The following NUP188 variants were observed in gnomAD, a reference collection of about 807,000 sequenced individuals.
NUP188 encodes the protein nucleoporin 188, also known as nucleoporin NUP188.
Under a neutral mutation model 223.0 loss-of-function variants are expected in NUP188, and 97 were observed. The ratio of observed to expected loss-of-function variants is 0.43; its 90% CI spans 0.37 to 0.51. NUP188 has a LOEUF of 0.51. Among genes scored for constraint, NUP188 ranks in the 20% least tolerant of loss-of-function variants. NUP188 has a pLI of 0.00. For synonymous variants in NUP188, 869 were observed against 828.0 expected (o/e 1.05, Z -0.85); for missense variants, 1,947 against 2,175.6 (o/e 0.89, Z 2.09).
At position 128,998,578 on chromosome 9, in the gene NUP188, C is replaced by T. The variant is rs926134831; in HGVS notation, c.3470C>T (p.Ser1157Phe). The T allele has an allele frequency of 2.5e-6, 4 of 1,614,006 alleles. No homozygotes were observed. Among genetic ancestry groups the T allele is most frequent in the Non-Finnish European group, 3.4e-6 (4 of 1,180,014 alleles). The change falls in exon 32 of 44, where the codon TCC (serine) becomes TTC (phenylalanine). Residue 1157 changes from serine to phenylalanine, a missense_variant. Physicochemically the swap from Ser to Phe is radical, Grantham distance 155 (BLOSUM62 -2). Transcript: ENST00000372577. Reference sequence around the variant, plus strand: ...TCAGTGAACTGCCTTCGCCTTGGCTCCATGAAGTGCACTCTGCTGCTTATC... The same window carrying T: ...TCAGTGAACTGCCTTCGCCTTGGCTTCATGAAGTGCACTCTGCTGCTTATC... ...PASVNCLRLG[S>F]MKCTLLLILL...
intron 6 of NUP188, 85 bp from the exon 7 acceptor site, chr9:128,958,717 C>T: frequency 1.5e-6 from 1 of 653,802 alleles, no homozygotes; most frequent in Non-Finnish European, 2.5e-6. Context: ...CCATCCACAT[C>T]TTTAAGTGAA....
chr9:128,994,878 C>T lies in NUP188; in HGVS notation c.3110C>T (p.Ala1037Val), dbSNP rs1386822407. Residue 1037 changes from alanine to valine, a missense_variant, in exon 29 of 44, where the codon GCC (alanine) becomes GTC (valine). By Grantham distance (64) the Ala-to-Val change is moderately conservative (BLOSUM62 0). This residue lies in a region of NUP188 where 905 missense variants were observed against 990.6 expected (regional missense o/e 0.91). Coordinates refer to ENST00000372577, the MANE Select transcript of NUP188 (RefSeq NM_015354.3). ...CAGCCCAGCATCCTGGAAACCTGTG[C>T]CCTAATCATGAAGATAATTTGCTTG... ...TSEPSILETC[A>V]LIMKIICLEI... 5 of 1,613,638 alleles carry T rather than the reference C, an allele frequency of 3.1e-6. No individual in the cohort carries two copies. Among genetic ancestry groups the T allele is most frequent in the African/African-American group, 1.3e-5 (1 of 74,934 alleles).
intron 25 of NUP188, among the ~76,000 whole-genome samples, chr9:128,990,738 G>A (rs1207127847): frequency 2.0e-5 from 3 of 152,234 alleles, no homozygotes; most frequent in Non-Finnish European, 4.4e-5. Flanking sequence ...TATGGCAGGC[G>A]CCTGTAGTCC....
At chr9:128,959,342 A>G (rs1347254063) in intron 8 of NUP188, among the ~76,000 whole-genome samples, 4 of 151,772 alleles carry the variant, frequency 2.6e-5, no homozygotes, top group African/African-American at 4.8e-5. Flanking sequence ...GGGTTTCACC[A>G]TGTTGGCCAG....
At chr9:128,959,888 T>A (rs1013466239) in intron 8 of NUP188, among the ~76,000 whole-genome samples, 1 of 152,108 alleles carries the variant, frequency 6.6e-6, no homozygotes, top group Non-Finnish European at 1.5e-5. Context: ...AATCAAAATA[T>A]TGATGACATT....
At chr9:128,961,910 C>G (rs561402532) in intron 8 of NUP188, among the ~76,000 whole-genome samples, 18 of 146,802 alleles carry the variant, frequency 1.2e-4, no homozygotes, top group Non-Finnish European at 2.1e-4. Context: ...GTGAGCCAGC[C>G]ACCATGCCCG....
Position 128,969,450 on chromosome 9 carries a change from A to G in NUP188, c.848A>G (p.His283Arg). Residue 283 changes from histidine to arginine, a missense_variant, in exon 10 of 44, where the codon CAT becomes CGT. By Grantham distance (29) the His-to-Arg change is conservative. Coordinates refer to ENST00000372577, the MANE Select transcript of NUP188 (RefSeq NM_015354.3). ...GAGGGCATGGATATCGAGTCCTTGCATAAGTGTGCTTTGGATGACAGAAGA... is the reference window on the plus strand; with the variant it reads ...GAGGGCATGGATATCGAGTCCTTGCGTAAGTGTGCTTTGGATGACAGAAGA... ...LVEGMDIESLHKCALDDRREL... is the reference protein window; with the variant it reads ...LVEGMDIESLRKCALDDRREL... The G allele has an allele frequency of 3.1e-6, 5 of 1,607,726 alleles. No homozygotes were observed. Among genetic ancestry groups the G allele is most frequent in the Non-Finnish European group, 4.2e-6 (5 of 1,178,180 alleles).
At chr9:128,990,482 C>CT (rs1190069524) in intron 25 of NUP188, among the ~76,000 whole-genome samples, 1 of 152,128 alleles carries the variant, frequency 6.6e-6, no homozygotes, top group Non-Finnish European at 1.5e-5. Flanking sequence ...AATTCCAGCA[C>CT]TTTGGGAGGC....
At chr9:128,967,507 T>C (rs1470698865) in intron 8 of NUP188, among the ~76,000 whole-genome samples, 1 of 151,872 alleles carries the variant, frequency 6.6e-6, no homozygotes, top group Non-Finnish European at 1.5e-5. Context: ...ATTTAAAAAA[T>C]TGGCTGGGCG....
At chr9:129,003,123 G>A in intron 37 of NUP188, 148 bp downstream of exon 37, 2 of 1,102,360 alleles carry the variant, frequency 1.8e-6, no homozygotes, top group South Asian at 1.6e-5. Context: ...GTACTCTGCT[G>A]GCTCACTGGC....
intron 38 of NUP188, 149 bp downstream of exon 38, chr9:129,003,603 CT>C: frequency 1.1e-6 from 1 of 905,678 alleles, no homozygotes; most frequent in Non-Finnish European, 1.8e-6. Context: ...CTGTCATGTG[CT>C]TACTCTGGCT....
At position 128,998,587 on chromosome 9, in the gene NUP188, G is replaced by A. The variant is rs1339522775; in HGVS notation, c.3479G>A (p.Cys1160Tyr). The change falls in exon 32 of 44, where the codon TGC becomes TAC. Residue 1160 changes from cysteine (C) to tyrosine (Y), a missense_variant. By Grantham distance (194) the Cys-to-Tyr change is radical. This residue lies in a region of NUP188 where 905 missense variants were observed against 990.6 expected (regional missense o/e 0.91). Coordinates refer to ENST00000372577, the MANE Select transcript of NUP188 (RefSeq NM_015354.3). The part of the protein sequence containing the change: ...VNCLRLGSMK[C>Y]TLLLILLRQW... ...TGCCTTCGCCTTGGCTCCATGAAGT[G>A]CACTCTGCTGCTTATCCTCCTCCGG... 2.5e-6 allele frequency: 4 copies of A among 1,614,166 alleles called. No homozygotes were observed. The highest frequency in any genetic ancestry group is 1.1e-5 in the South Asian group (1 of 91,088).
chr9:128,997,546 G>A (rs1842550374), intron 30 of NUP188, among the ~76,000 whole-genome samples: 2 of 152,176 alleles, frequency 1.3e-5, no homozygotes, highest in Non-Finnish European at 2.9e-5. Flanking sequence ...TTGGAGTGCA[G>A]TGGTGCAATC....
intron 12 of NUP188, among the ~76,000 whole-genome samples, chr9:128,974,828 G>A (rs373799712): frequency 6.3e-4 from 93 of 147,908 alleles, no homozygotes; most frequent in African/African-American, 2.2e-3. Context: ...GCGCGATCTC[G>A]TCCCACTTCA....
At chr9:128,999,437 A>T (rs2302812) in intron 33 of NUP188, 120 bp downstream of exon 33, 513,627 of 1,381,176 alleles carry the variant, frequency 0.37, 99,779 homozygotes, top group Admixed American at 0.41. Context: ...GTTTCCAGTC[A>T]TGGAATTCTT....
In NUP188 at chr9:128,995,410, G is replaced by T. The variant is rs761756053; in HGVS notation, c.3247G>T (p.Ala1083Ser). 8.7e-6 allele frequency: 14 copies of T among 1,613,992 alleles called. No individual in the cohort carries two copies. The East Asian group carries it at 3.1e-4, about 36-fold the overall frequency. ...AYWSGYVKSL[A>S]VHVAETEGSS... Reference sequence around the variant, plus strand: ...CTGGTCAGGGTATGTCAAGTCATTGGCAGTTCACGTGGCCGAAACAGAAGG... The same window carrying T: ...CTGGTCAGGGTATGTCAAGTCATTGTCAGTTCACGTGGCCGAAACAGAAGG... The change falls in exon 30 of 44, where the codon GCA becomes TCA. Residue 1083 changes from alanine to serine, a missense_variant. Coordinates refer to ENST00000372577, the MANE Select transcript of NUP188 (RefSeq NM_015354.3).
At chr9:128,973,456 C>T (rs1842130096) in intron 12 of NUP188, among the ~76,000 whole-genome samples, 1 of 152,070 alleles carries the variant, frequency 6.6e-6, no homozygotes, top group Admixed American at 6.6e-5. Context: ...GATCTTGGCT[C>T]ACTGCAGCGT....
At position 128,970,893 on chromosome 9, in the gene NUP188, A is replaced by C; in HGVS notation, c.1048A>C (p.Ile350Leu). The C allele has an allele frequency of 1.9e-6, 3 of 1,614,130 alleles. No individual in the cohort carries two copies. The highest frequency in any genetic ancestry group is 2.5e-6 in the Non-Finnish European group (3 of 1,180,020). The change falls in exon 11 of 44, where the codon ATC (isoleucine) becomes CTC (leucine). Residue 350 changes from isoleucine to leucine, a missense_variant. Transcript: ENST00000372577. ...GGTCCGGAAGATAGGTGGCACAGCC[A>C]TCCAGCTGAATGTGTTTCAGTACTT... ...SVVRKIGGTA[I>L]QLNVFQYLTR...
intron 2 of NUP188, among the ~76,000 whole-genome samples, chr9:128,951,848 A>G (rs924109754): frequency 2.1e-5 from 3 of 144,268 alleles, no homozygotes; most frequent in Admixed American, 7.2e-5. Context: ...GCTAGAGTGC[A>G]TTGGTGCAAT....
Sources: allele counts gnomAD v4.1 joint callset (sites outside exome capture counted in the v4.1 genomes callset), GRCh38; gene constraint gnomAD v4.1.1; regional missense constraint gnomAD v4.1.1; transcripts MANE v1.5; gene names NCBI Gene and HGNC (gene_info 2026-07-23, HGNC 2026-07-21).